Variants in ZNF200 observed in about 807,000 individuals in gnomAD.
ZNF200 encodes zinc finger protein 200.
A neutral mutation model predicts 33.6 loss-of-function variants in ZNF200; 35 were observed. That is an observed-to-expected ratio of 1.04 (90% CI 0.80 to 1.38). The LOEUF (loss-of-function observed/expected upper bound fraction) is 1.38, where lower values mean the gene tolerates loss of function less well. Among genes scored for constraint, ZNF200 ranks in the 40% most tolerant of loss-of-function variants. ZNF200 has a pLI of 0.00. For synonymous variants in ZNF200, 209 were observed against 167.7 expected (o/e 1.25, Z -1.90); for missense variants, 592 against 470.6 (o/e 1.26, Z -2.39).
Position 3,231,059 on chromosome 16 carries a change from A to C in ZNF200, c.466+1362T>G, listed in dbSNP as rs116160601. ...TCCTGCCTGAGGAAAAAACTAGTAC[A>C]TTTATGAAATGCTGGTAAATGACTA... On this transcript the variant is annotated intron_variant, in intron 4 of 4. Coordinates refer to ENST00000414144, the MANE Select transcript of ZNF200 (RefSeq NM_198088.3). Among the ~76,000 whole-genome samples, 841 of 152,302 alleles carry C rather than the reference A, an allele frequency of 5.5e-3. 8 individuals carry two copies. The highest frequency in any genetic ancestry group is 0.019 in the African/African-American group (783 of 41,542).
chr16:3,229,472 C>T (rs775621035), intron 4 of ZNF200, among the ~76,000 whole-genome samples: 23 of 151,662 alleles, frequency 1.5e-4, no homozygotes, highest in Admixed American at 8.5e-4. Flanking sequence ...AACCAATTTC[C>T]ATAGAGAAAA....
chr16:3,232,334 G>A (rs548792713), intron 4 of ZNF200, 87 bp downstream of exon 4: 4 of 1,451,270 alleles, frequency 2.8e-6, no homozygotes, highest in African/African-American at 1.4e-5. Flanking sequence ...CTTACCAGGT[G>A]TGAATCGTCC....
At chr16:3,233,450 C>G in intron 2 of ZNF200, 56 bp downstream of exon 2, 1 of 1,494,176 alleles carries the variant, frequency 6.7e-7, no homozygotes, top group Non-Finnish European at 8.9e-7. Flanking sequence ...AGAAACCTAT[C>G]TTAGACTCCA....
chr16:3,227,834 G>A (rs1958511757), intron 4 of ZNF200: 1 of 152,056 alleles, frequency 6.6e-6, no homozygotes, highest in Non-Finnish European at 1.5e-5. Context: ...CTTTATACCA[G>A]TGTGAAAATG....
At position 3,222,997 on chromosome 16, in the gene ZNF200, C is replaced by T. The variant is rs1305796531; in HGVS notation, c.*895G>A. 6.6e-6 allele frequency: 1 copy of T among 152,252 alleles called. No homozygotes were observed. Among genetic ancestry groups the T allele is most frequent in the African/African-American group, 2.4e-5 (1 of 41,438 alleles). 9.4% of individuals were successfully genotyped at this position (152,252 alleles called of 1,614,324 possible). On this transcript the variant is annotated 3_prime_UTR_variant, in exon 5 of 5. Transcript: ENST00000414144. ...TTATTGATGAGACATGGATCCAAGC[C>T]AACTTTTTCCTGCCTCCAGGTTGAC...
At position 3,224,274 on chromosome 16, in the gene ZNF200, G is replaced by T. The variant is rs868456875; in HGVS notation, c.806C>A (p.Ser269Tyr). The T allele has an allele frequency of 6.2e-7, 1 of 1,614,132 alleles. No homozygotes were observed. The highest frequency in any genetic ancestry group is 8.5e-7 in the Non-Finnish European group (1 of 1,179,996). The change falls in exon 5 of 5, where the codon TCC becomes TAC. Residue 269 changes from serine (S) to tyrosine (Y), a missense_variant. Coordinates refer to ENST00000414144, the MANE Select transcript of ZNF200 (RefSeq NM_198088.3). ...KQFNESSYLI[S>Y]HQRTHTGEKP... The stretch of plus-strand genomic sequence containing the variant: ...TTCTCCAGTGTGGGTCCTCTGGTGG[G>T]AAATGAGGTAAGAACTTTCATTAAA...
chr16:3,225,147 T>G (rs1445932221), intron 4 of ZNF200: 1 of 152,596 alleles, frequency 6.6e-6, no homozygotes, highest in Non-Finnish European at 1.5e-5. Flanking sequence ...AGCATATTCA[T>G]ACAAAAGTTT....
At chr16:3,233,015 G>C in intron 2 of ZNF200, 94 bp from the exon 3 acceptor site, 4 of 1,110,006 alleles carry the variant, frequency 3.6e-6, no homozygotes, top group Non-Finnish European at 2.7e-6. Flanking sequence ...TCATTCCTTT[G>C]ACAGGTAACT....
rs1007800449 is a variant in ZNF200, at chr16:3,222,669, T to C, written c.*1223A>G. 6.6e-6 allele frequency: 1 copy of C among 152,202 alleles called. No homozygotes were observed. The allele number at this position is 152,202 out of a possible 1,614,324, so 9.4% of individuals were successfully genotyped here. ...TCCAATCAAAACACCAATGTATAAC[T>C]TTTGGAAACCTAAAGCAAGCAAAAC... On this transcript the variant is annotated 3_prime_UTR_variant, in exon 5 of 5. Transcript: ENST00000414144.
chr16:3,223,865 C>G lies in ZNF200; in HGVS notation c.*27G>C. 1 of 1,578,352 alleles carries G rather than the reference C, an allele frequency of 6.3e-7. No individual in the cohort carries two copies. Among genetic ancestry groups the G allele is most frequent in the South Asian group, 1.2e-5 (1 of 85,140 alleles). ...GAAAGCTCTCAGGTTGAGGCAGCAC[C>G]ATCAGACCCAGAAAGGGTTCCCAGT... On this transcript the variant is annotated 3_prime_UTR_variant, in exon 5 of 5. Coordinates refer to ENST00000414144, the MANE Select transcript of ZNF200 (RefSeq NM_198088.3).
intron 4 of ZNF200, chr16:3,225,614 C>T (rs1347594881): frequency 1.3e-5 from 2 of 152,036 alleles, no homozygotes; most frequent in Non-Finnish European, 2.9e-5. Flanking sequence ...TTGGGTGGTG[C>T]TTAGTGTGTA....
chr16:3,225,018 C>A (rs1028292820), intron 4 of ZNF200: 39 of 168,384 alleles, frequency 2.3e-4, no homozygotes, highest in African/African-American at 9.1e-4. Flanking sequence ...GTAAGACGAA[C>A]CACTTGTAGG....
chr16:3,231,319 C>A (rs921848906), intron 4 of ZNF200, among the ~76,000 whole-genome samples: 2 of 152,166 alleles, frequency 1.3e-5, no homozygotes, highest in African/African-American at 4.8e-5. Flanking sequence ...CATAGAGCAA[C>A]CTGCGGGAAA....
At chr16:3,230,121 C>T (rs1958596752) in intron 4 of ZNF200, among the ~76,000 whole-genome samples, 1 of 152,202 alleles carries the variant, frequency 6.6e-6, no homozygotes, top group African/African-American at 2.4e-5. Flanking sequence ...TCTCTTTCTT[C>T]CTCTCTTGCC....
intron 4 of ZNF200, among the ~76,000 whole-genome samples, chr16:3,228,673 T>A (rs958712706): frequency 7.3e-5 from 11 of 149,978 alleles, no homozygotes; most frequent in African/African-American, 1.7e-4. Flanking sequence ...TTTTGTATAT[T>A]TTTTTTTTAG....
rs779817803 is a variant in ZNF200, at chr16:3,224,208, T to C, written c.872A>G (p.His291Arg). The C allele has an allele frequency of 1.9e-6, 3 of 1,614,214 alleles. No homozygotes were observed. The highest frequency in any genetic ancestry group is 2.2e-5 in the East Asian group (1 of 44,888). The part of the protein sequence containing the change: ...DCNHCGKSFN[H>R]KTNLNKHERI... ...CTCATGTTTATTGAGGTTTGTTTTA[T>C]GATTGAAGCTTTTCCCACAGTGATT... Residue 291 changes from histidine (H) to arginine (R), a missense_variant, in exon 5 of 5, where the codon CAT (histidine) becomes CGT (arginine). His to Arg is a conservative substitution (Grantham distance 29). Transcript: ENST00000414144.
chr16:3,230,719 C>T (rs1226029961), intron 4 of ZNF200, among the ~76,000 whole-genome samples: 3 of 152,182 alleles, frequency 2.0e-5, no homozygotes, highest in Non-Finnish European at 4.4e-5. Context: ...ATTATCATCA[C>T]CTATAAATTG....
At chr16:3,228,293 G>C (rs1958528447) in intron 4 of ZNF200, among the ~76,000 whole-genome samples, 1 of 151,926 alleles carries the variant, frequency 6.6e-6, no homozygotes, top group Non-Finnish European at 1.5e-5. Context: ...GAGTACTTAA[G>C]ACAAATAAAT....
intron 4 of ZNF200, among the ~76,000 whole-genome samples, chr16:3,231,087 C>T (rs968519060): frequency 1.3e-5 from 2 of 152,132 alleles, no homozygotes; most frequent in Non-Finnish European, 2.9e-5. Flanking sequence ...AATGACTAAG[C>T]TTAAGCCACC....
Sources: allele counts gnomAD v4.1 joint callset (sites outside exome capture counted in the v4.1 genomes callset), GRCh38; gene constraint gnomAD v4.1.1; transcripts MANE v1.5; gene names NCBI Gene and HGNC (gene_info 2026-07-23, HGNC 2026-07-21).